RMST: variants seen among roughly 807,000 people sequenced by gnomAD.
RMST encodes the protein rhabdomyosarcoma 2 associated transcript, also known as long intergenic non-protein coding RNA 54.
chr12:97,499,685 T>G lies in RMST; in HGVS notation n.1340+3629T>G, dbSNP rs139966736. Among the ~76,000 whole-genome samples the G allele has an allele frequency of 2.5e-3, 365 of 146,558 alleles. 2 individuals are homozygous for G. Among genetic ancestry groups the G allele is most frequent in the Middle Eastern group, 0.017 (5 of 286 alleles). ...TTTTTTTTTTTTTTGAGACAGAGTC[T>G]CACTCACTCTGTTGCCCAGACTGGA... is the stretch of plus-strand genomic sequence containing the variant. On this transcript the variant is annotated intron_variant and non_coding_transcript_variant, in intron 10 of 13. Coordinates refer to ENST00000640149, the Ensembl canonical transcript of RMST.
chr12:97,555,727 A>T (rs1301330376), intron 11 of RMST, among the ~76,000 whole-genome samples: 2 of 152,242 alleles, frequency 1.3e-5, no homozygotes. Context: ...AAGTCAATAA[A>T]AATGATTAGA....
intron 10 of RMST, chr12:97,530,555 G>A (rs537480068): frequency 2.6e-5 from 4 of 152,184 alleles, no homozygotes; most frequent in Admixed American, 6.5e-5. Context: ...TGAGGAGAGG[G>A]TCAGAAGGAA....
chr12:97,485,401 A>G lies in RMST; in HGVS notation n.645-7060A>G, dbSNP rs191664220. 1.3e-4 allele frequency among the ~76,000 whole-genome samples: 20 copies of G among 152,316 alleles called. No individual in the cohort carries two copies. In the East Asian group the frequency reaches 3.5e-3, roughly 26 times the overall value. On this transcript the variant is annotated intron_variant and non_coding_transcript_variant, in intron 5 of 13. Coordinates refer to ENST00000640149, the Ensembl canonical transcript of RMST. ...AAAATTGGTTACCTGTACATATGAT[A>G]GATACATAAGATTAAATTTTACTCA...
At chr12:97,472,472 C>T (rs1439736819) in intron 5 of RMST, among the ~76,000 whole-genome samples, 1 of 152,152 alleles carries the variant, frequency 6.6e-6, no homozygotes, top group African/African-American at 2.4e-5. Context: ...TAGGAAGATC[C>T]GAATCCAGAG....
At chr12:97,516,913 A>G (rs1182763083) in intron 10 of RMST, among the ~76,000 whole-genome samples, 1 of 152,000 alleles carries the variant, frequency 6.6e-6, no homozygotes, top group Non-Finnish European at 1.5e-5. Context: ...AATACCTAAC[A>G]TTTACAATAT....
At chr12:97,544,404 G>A (rs559367630) in intron 11 of RMST, among the ~76,000 whole-genome samples, 1 of 152,122 alleles carries the variant, frequency 6.6e-6, no homozygotes, top group African/African-American at 2.4e-5. Flanking sequence ...GATAGTGTAG[G>A]CTTTGTCTTA....
rs572011762 is a variant in RMST, at chr12:97,512,028, C to T, written n.1340+15972C>T. 1.1e-4 allele frequency among the ~76,000 whole-genome samples: 17 copies of T among 152,252 alleles called. No individual in the cohort carries two copies. The East Asian group carries it at 1.9e-3, about 17-fold the overall frequency. On this transcript the variant is annotated intron_variant and non_coding_transcript_variant, in intron 10 of 13. Coordinates refer to ENST00000640149, the Ensembl canonical transcript of RMST. ...TGAGTGTTACAGTTCTTAAAGGTGG[C>T]GTGTCCAGAGTTTGTTCCTTCTGAT...
intron 10 of RMST, among the ~76,000 whole-genome samples, chr12:97,527,030 A>G (rs1254526266): frequency 6.6e-6 from 1 of 152,224 alleles, no homozygotes; most frequent in Non-Finnish European, 1.5e-5. Flanking sequence ...GCCTGGAAGC[A>G]GGATGTCTGA....
intron 11 of RMST, among the ~76,000 whole-genome samples, chr12:97,540,668 A>G (rs1882426547): frequency 6.6e-6 from 1 of 151,722 alleles, no homozygotes; most frequent in Non-Finnish European, 1.5e-5. Flanking sequence ...TGGAAAGAAA[A>G]GAAAATAATA....
chr12:97,492,049 T>C (rs961919605), intron 5 of RMST: 10 of 500,616 alleles, frequency 2.0e-5, no homozygotes, highest in African/African-American at 1.7e-4. Context: ...TTCAAAAATG[T>C]GCACAGGTTT....
At chr12:97,542,619 A>G (rs1034731037) in intron 11 of RMST, among the ~76,000 whole-genome samples, 1 of 151,884 alleles carries the variant, frequency 6.6e-6, no homozygotes, top group Non-Finnish European at 1.5e-5. Flanking sequence ...CCCAAAACAC[A>G]TAGAATATGA....
chr12:97,524,208 T>TCAG (rs1333828654), intron 10 of RMST, among the ~76,000 whole-genome samples: 2 of 150,200 alleles, frequency 1.3e-5, no homozygotes, highest in African/African-American at 4.9e-5. Flanking sequence ...ACAACCACCA[T>TCAG]CAGCAGCAGC....
intron 10 of RMST, among the ~76,000 whole-genome samples, chr12:97,516,214 T>G (rs1052895458): frequency 6.6e-6 from 1 of 152,014 alleles, no homozygotes; most frequent in Non-Finnish European, 1.5e-5. Flanking sequence ...GAATTGTAAT[T>G]TTACATTATG....
intron 10 of RMST, among the ~76,000 whole-genome samples, chr12:97,500,117 T>A (rs1236647540): frequency 4.6e-5 from 7 of 152,208 alleles, no homozygotes; most frequent in Admixed American, 4.6e-4. Flanking sequence ...ATTCTGTGCA[T>A]TCCCATGATA....
intron 5 of RMST, among the ~76,000 whole-genome samples, chr12:97,489,368 GC>G (rs1876497307): frequency 6.6e-6 from 1 of 151,786 alleles, no homozygotes; most frequent in Admixed American, 6.6e-5. Context: ...GATCACTTGA[GC>G]CCAGGAGATT....
intron 10 of RMST, among the ~76,000 whole-genome samples, chr12:97,513,676 GTTTTA>G (rs1194131161): frequency 2.6e-5 from 4 of 152,098 alleles, no homozygotes; most frequent in African/African-American, 9.7e-5. Flanking sequence ...ACTGCAATGA[GTTTTA>G]TTTTTATTTT....
chr12:97,562,986 C>T (rs1039660711), intron 13 of RMST, among the ~76,000 whole-genome samples: 1 of 152,178 alleles, frequency 6.6e-6, no homozygotes, highest in Non-Finnish European at 1.5e-5. Context: ...ATAGGCACCT[C>T]AAGTTTATTT....
chr12:97,494,110 AAAAG>A (rs1877145757), intron 8 of RMST: 2 of 152,202 alleles, frequency 1.3e-5, no homozygotes, highest in Admixed American at 1.3e-4. Flanking sequence ...TTTTATAAGC[AAAAG>A]AATAATTGGA....
chr12:97,533,595 G>A (rs1881845078), intron 11 of RMST: 2 of 151,796 alleles, frequency 1.3e-5, no homozygotes, highest in Admixed American at 1.3e-4. Context: ...GTGAAAAGTT[G>A]TGTATTCACA....
Sources: allele counts gnomAD v4.1 joint callset (sites outside exome capture counted in the v4.1 genomes callset), GRCh38; gene constraint gnomAD v4.1.1; transcripts MANE v1.5; gene names NCBI Gene and HGNC (gene_info 2026-07-23, HGNC 2026-07-21).